The following ZNF532 variants were observed in gnomAD, a reference collection of about 807,000 sequenced individuals.
ZNF532 encodes the protein zinc finger protein 532.
Under a neutral mutation model 89.3 loss-of-function variants are expected in ZNF532, and 22 were observed. That is an observed-to-expected ratio of 0.25 (90% CI 0.18 to 0.35). ZNF532 has a LOEUF of 0.35. ZNF532 is among the 10% of genes least tolerant of loss of function. The pLI, the probability that ZNF532 is intolerant of heterozygous loss-of-function variation, is 1.00. For missense variants in ZNF532, 1,132 were observed against 1,643.4 expected (o/e 0.69, Z 5.38); for synonymous variants, 606 against 649.6 (o/e 0.93, Z 1.02).
intron 9 of ZNF532, 125 bp from the exon 10 acceptor site, chr18:58,983,847 G>A: frequency 2.0e-5 from 24 of 1,216,088 alleles, no homozygotes; most frequent in Non-Finnish European, 2.8e-5. Flanking sequence ...CAGCTTTAAA[G>A]CCCCTAAATC....
chr18:58,975,791 CTT>C (rs2066984779), intron 7 of ZNF532, among the ~76,000 whole-genome samples: 1 of 152,178 alleles, frequency 6.6e-6, no homozygotes, highest in Admixed American at 6.5e-5. Context: ...TTCACTATTT[CTT>C]TAAAGAGTTC....
rs750414638 is a variant in ZNF532 at position 58,939,640 on chromosome 18, C to G, written c.2705+19C>G. 51 of 1,602,982 alleles carry G rather than the reference C, an allele frequency of 3.2e-5. No homozygotes were observed. The highest frequency in any genetic ancestry group is 3.6e-5 in the Non-Finnish European group (42 of 1,175,096). ...AACCAAAGTAAGTCATACCGACTTT[C>G]AAGTTTTACTCCACTGCTTTATTAG... is the stretch of plus-strand genomic sequence containing the variant. On this transcript the variant is annotated intron_variant, in intron 5 of 9. Coordinates refer to ENST00000591808, the MANE Select transcript of ZNF532 (RefSeq NM_001375912.1).
intron 2 of ZNF532, among the ~76,000 whole-genome samples, chr18:58,873,783 TTTTAC>T (rs1403092595): frequency 2.0e-5 from 3 of 152,172 alleles, no homozygotes; most frequent in Non-Finnish European, 4.4e-5. Flanking sequence ...TGAAAACTGA[TTTTAC>T]TTTGTGTTCT....
intron 5 of ZNF532, among the ~76,000 whole-genome samples, chr18:58,942,585 C>T (rs1202026277): frequency 6.6e-6 from 1 of 152,018 alleles, no homozygotes; most frequent in Non-Finnish European, 1.5e-5. Flanking sequence ...GTGGCAATGA[C>T]GGCTGCTGCA....
intron 6 of ZNF532, among the ~76,000 whole-genome samples, chr18:58,948,442 G>T (rs2063848283): frequency 6.6e-6 from 1 of 151,976 alleles, no homozygotes; most frequent in African/African-American, 2.4e-5. Flanking sequence ...GCCTACTAAA[G>T]ATTAGTGAAA....
rs56862851 is a variant in ZNF532 at position 58,886,602 on chromosome 18, A to G, written c.-18+21023A>G. On this transcript the variant is annotated intron_variant, in intron 2 of 9. Transcript: ENST00000591808. ...GTATTTTTACCACAATCTGAAAAATAAAGGATGTACCATGATTGTTACATA... is the reference window on the plus strand; with the variant it reads ...GTATTTTTACCACAATCTGAAAAATGAAGGATGTACCATGATTGTTACATA... Among the ~76,000 whole-genome samples the G allele has an allele frequency of 6.0e-3, 907 of 152,336 alleles. 8 individuals carry two copies. The highest frequency in any genetic ancestry group is 0.016 in the African/African-American group (659 of 41,582).
intron 2 of ZNF532, among the ~76,000 whole-genome samples, chr18:58,901,031 C>A (rs1284965161): frequency 1.3e-5 from 2 of 152,174 alleles, no homozygotes; most frequent in African/African-American, 4.8e-5. Flanking sequence ...CATGGGCAGT[C>A]CTTGCCATGT....
In ZNF532 at chr18:58,949,029, T is replaced by C. The variant is rs543651177; in HGVS notation, c.2868+800T>C. ...AATTAATGCCCCTAAACCTTTTAGT[T>C]TCTTTTTTTTTTTTCTGTAAAGATT... is the stretch of plus-strand genomic sequence containing the variant. On this transcript the variant is annotated intron_variant, in intron 6 of 9. Coordinates refer to ENST00000591808, the MANE Select transcript of ZNF532 (RefSeq NM_001375912.1). 2.0e-5 allele frequency among the ~76,000 whole-genome samples: 3 copies of C among 152,212 alleles called. No homozygotes were observed. In the South Asian group the frequency reaches 6.2e-4, roughly 32 times the overall value.
chr18:58,930,448 G>A (rs1361149991), intron 3 of ZNF532, among the ~76,000 whole-genome samples: 1 of 152,046 alleles, frequency 6.6e-6, no homozygotes, highest in Non-Finnish European at 1.5e-5. Context: ...GCAACATAGT[G>A]AAACCCTGTC....
intron 2 of ZNF532, among the ~76,000 whole-genome samples, chr18:58,913,015 A>G (rs2060376430): frequency 6.6e-6 from 1 of 152,158 alleles, no homozygotes; most frequent in Admixed American, 6.5e-5. Flanking sequence ...GCGTAGCTGA[A>G]CCGATTTGGT....
chr18:58,964,894 A>G (rs990339928), intron 7 of ZNF532, among the ~76,000 whole-genome samples: 3 of 151,272 alleles, frequency 2.0e-5, no homozygotes, highest in African/African-American at 7.3e-5. Context: ...GATGTGCGCC[A>G]TCACACCTGG....
chr18:58,951,884 C>A (rs2001443), intron 6 of ZNF532, among the ~76,000 whole-genome samples: 29,908 of 151,904 alleles, frequency 0.2, 3,780 homozygotes, highest in Middle Eastern at 0.33. Context: ...CTCCTGACCT[C>A]GTGATCCACC....
chr18:58,923,073 C>T (rs1005030174), intron 3 of ZNF532, among the ~76,000 whole-genome samples: 1 of 150,912 alleles, frequency 6.6e-6, no homozygotes, highest in Admixed American at 6.6e-5. Flanking sequence ...ACGCGGAATC[C>T]CAAGGAGTGA....
intron 3 of ZNF532, among the ~76,000 whole-genome samples, chr18:58,924,503 A>C (rs533755162): frequency 6.6e-6 from 1 of 152,286 alleles, no homozygotes; most frequent in South Asian, 2.1e-4. Flanking sequence ...ATCGCCCTTT[A>C]CTCAGTGCCT....
chr18:58,922,516 A>AT (rs1479604837), intron 3 of ZNF532, among the ~76,000 whole-genome samples: 4 of 152,232 alleles, frequency 2.6e-5, no homozygotes. Context: ...GCAGCAACTT[A>AT]GTTCAAGAAG....
At chr18:58,937,606 C>T (rs2062588743) in intron 4 of ZNF532, among the ~76,000 whole-genome samples, 1 of 152,162 alleles carries the variant, frequency 6.6e-6, no homozygotes, top group African/African-American at 2.4e-5. Context: ...TCTTTAAACA[C>T]CATCTTTCTA....
chr18:58,874,578 C>A (rs181516324), intron 2 of ZNF532, among the ~76,000 whole-genome samples: 2 of 152,020 alleles, frequency 1.3e-5, no homozygotes, highest in East Asian at 3.9e-4. Context: ...TGACCTCAGG[C>A]GATCCACCCG....
Position 58,934,481 on chromosome 18 carries a change from G to A in ZNF532, c.2395G>A (p.Ala799Thr). ...QMLLPNQCSY[A>T]SHQRIHQHKS... The stretch of plus-strand genomic sequence containing the variant: ...GCTGCTTCCTAACCAGTGCAGTTAT[G>A]CATCACACCAGAGAATCCATCAGCA... The change falls in exon 4 of 10, where the codon GCA (alanine) becomes ACA (threonine). Residue 799 changes from alanine (A) to threonine (T), a missense_variant. Ala to Thr is a moderately conservative substitution (Grantham distance 58). Around this residue, in one of 9 missense-constraint regions of ZNF532, gnomAD observed 100 missense variants for 122.0 expected, o/e 0.82. Transcript: ENST00000591808. The A allele has an allele frequency of 1.2e-6, 2 of 1,614,102 alleles. No individual in the cohort carries two copies. The highest frequency in any genetic ancestry group is 2.2e-5 in the East Asian group (1 of 44,884).
intron 2 of ZNF532, among the ~76,000 whole-genome samples, chr18:58,913,168 A>C (rs1240440344): frequency 6.6e-6 from 1 of 152,204 alleles, no homozygotes; most frequent in African/African-American, 2.4e-5. Flanking sequence ...TACAATGTGC[A>C]GAGCCTTGGA....
Sources: gnomAD v4.1 joint callset for allele counts (sites outside exome capture counted in the v4.1 genomes callset) on GRCh38, gnomAD v4.1.1 for gene constraint, gnomAD v4.1.1 regional missense constraint, MANE v1.5 for transcripts, NCBI Gene and HGNC (gene_info 2026-07-23, HGNC 2026-07-21) for gene names.